Variants in DYRK4 observed in about 807,000 individuals in gnomAD.
DYRK4 encodes dual specificity tyrosine-phosphorylation-regulated kinase 4.
DYRK4 carries 64 observed loss-of-function variants against 68.3 expected under a neutral mutation model. That is an observed-to-expected ratio of 0.94 (90% confidence interval 0.77 to 1.15). The LOEUF is 1.15. Ranked by LOEUF, DYRK4 falls within the 50% of genes most tolerant of loss-of-function variation. The pLI, the probability that DYRK4 is intolerant of heterozygous loss-of-function variation, is 0.00. For missense variants in DYRK4, 740 were observed against 764.7 expected (o/e 0.97, Z 0.38); for synonymous variants, 274 against 289.9 (o/e 0.95, Z 0.56).
At position 4,569,234 on chromosome 12, in the gene DYRK4, A is replaced by G. The variant is rs545086567; in HGVS notation, c.132+1186A>G. Among the ~76,000 whole-genome samples the G allele has an allele frequency of 5.9e-5, 9 of 152,340 alleles. No homozygotes were observed. The South Asian group carries it at 1.9e-3, about 32-fold the overall frequency. ...CGTTTATTTTGCAATTTATAGGTGC[A>G]ATTTTTAATACCTAAAACAAACTTA... On this transcript the variant is annotated intron_variant, in intron 2 of 14. Transcript: ENST00000543431.
chr12:4,591,533 G>A lies in DYRK4; in HGVS notation c.463+235G>A. 3.9e-6 allele frequency: 2 copies of A among 515,056 alleles called. No individual in the cohort carries two copies. The highest frequency in any genetic ancestry group is 3.3e-6 in the Non-Finnish European group (1 of 299,502). The allele number at this position is 515,056 out of a possible 1,614,324, so 31.9% of individuals were successfully genotyped here. A position where few individuals can be genotyped will look rare whatever the true frequency, so the allele number is the denominator to read the frequency against. ...GAGTGGCTCTGGGCAAGGGCGGGAT[G>A]TACCAATGCAGACAGAAGGAAGTGT... is the stretch of plus-strand genomic sequence containing the variant. On this transcript the variant is annotated intron_variant, in intron 5 of 14. Transcript: ENST00000543431. The surrounding 1 kb of genome is among the most constrained non-coding windows in gnomAD (Gnocchi z 4.1).
At chr12:4,604,853 G>T in intron 10 of DYRK4, 61 bp from the exon 11 acceptor site, 2 of 1,493,550 alleles carry the variant, frequency 1.3e-6, no homozygotes, top group Non-Finnish European at 9.0e-7. Context: ...TGTCCTGGGG[G>T]AGAGCGTTCT....
intron 12 of DYRK4, 133 bp from the exon 13 acceptor site, chr12:4,610,022 A>T: frequency 1.8e-6 from 1 of 554,552 alleles, no homozygotes; most frequent in Non-Finnish European, 3.0e-6. Flanking sequence ...GTGTGTGTTT[A>T]TTGGGGTGTG....
chr12:4,565,830 T>C (rs1472129384), intron 1 of DYRK4, among the ~76,000 whole-genome samples: 2 of 151,908 alleles, frequency 1.3e-5, no homozygotes, highest in Non-Finnish European at 2.9e-5. Flanking sequence ...AGTTTCACCA[T>C]GTTGGCCAGG....
intron 2 of DYRK4, chr12:4,573,159 T>C: frequency 6.7e-6 from 3 of 445,922 alleles, no homozygotes; most frequent in Non-Finnish European, 1.2e-5. Context: ...GAAGAACTTG[T>C]AATGATCATT....
At chr12:4,574,934 T>C (rs4766253) in intron 2 of DYRK4, among the ~76,000 whole-genome samples, 69,509 of 152,026 alleles carry the variant, frequency 0.46, 16,187 homozygotes, top group Middle Eastern at 0.55. Flanking sequence ...GCCAGACTGG[T>C]CTCTCAAACT....
chr12:4,596,326 C>T (rs762709583), intron 7 of DYRK4, 41 bp downstream of exon 7: 60 of 1,611,640 alleles, frequency 3.7e-5, no homozygotes, highest in Non-Finnish European at 4.9e-5. Context: ...GGAGGGACTG[C>T]GTGACTGTGG....
intron 10 of DYRK4, chr12:4,602,811 G>A (rs1945096106): frequency 7.1e-7 from 1 of 1,406,526 alleles, no homozygotes; most frequent in Non-Finnish European, 1.0e-6. Flanking sequence ...CCATTAATAA[G>A]TGACAGGAGC....
At chr12:4,574,299 C>T (rs1944764171) in intron 2 of DYRK4, among the ~76,000 whole-genome samples, 1 of 150,926 alleles carries the variant, frequency 6.6e-6, no homozygotes, top group Non-Finnish European at 1.5e-5. Context: ...TCGTCCTGTT[C>T]ATTGTCCCGT....
At chr12:4,610,003 A>AGTGTGT (rs3217058) in intron 12 of DYRK4, 152 bp from the exon 13 acceptor site, 6 of 424,016 alleles carry the variant, frequency 1.4e-5, no homozygotes, top group Non-Finnish European at 2.1e-5. Flanking sequence ...TTTCAAACTG[A>AGTGTGT]GTGTGTGTGT....
intron 1 of DYRK4, among the ~76,000 whole-genome samples, chr12:4,562,853 C>CTG (rs10689238): frequency 0.33 from 49,368 of 149,638 alleles, 8,460 homozygotes; most frequent in African/African-American, 0.46. Context: ...AGCTGCCACT[C>CTG]AGGAAATTCC....
At chr12:4,565,546 T>C (rs763614610) in intron 1 of DYRK4, among the ~76,000 whole-genome samples, 17 of 152,150 alleles carry the variant, frequency 1.1e-4, no homozygotes, top group Non-Finnish European at 1.9e-4. Context: ...TTTCCTTCAG[T>C]GTTTGCTCCT....
At chr12:4,572,003 G>A (rs796364052) in intron 2 of DYRK4, among the ~76,000 whole-genome samples, 1 of 152,306 alleles carries the variant, frequency 6.6e-6, no homozygotes, top group African/African-American at 2.4e-5. Flanking sequence ...CTACAAGTAT[G>A]TGCTGTCTAC....
At chr12:4,569,805 T>G (rs572513911) in intron 2 of DYRK4, among the ~76,000 whole-genome samples, 1 of 152,116 alleles carries the variant, frequency 6.6e-6, no homozygotes, top group Non-Finnish European at 1.5e-5. Flanking sequence ...CTCTGTTGCA[T>G]GAGGATAGCT....
Position 4,590,296 on chromosome 12 carries a change from GC to G in DYRK4, c.214-33del, listed in dbSNP as rs994319899. Reference sequence around the variant, plus strand: ...CCCTGGAGACGTTTTCTTGCCTAAGGCTTTTGTAACACATGCAATTTCTCCT... The same window carrying G: ...CCCTGGAGACGTTTTCTTGCCTAAGGTTTTGTAACACATGCAATTTCTCCT... On this transcript the variant is annotated intron_variant, in intron 3 of 14. Transcript: ENST00000543431. 5 of 1,519,670 alleles carry G rather than the reference GC, an allele frequency of 3.3e-6. No homozygotes were observed. The African/African-American group carries it at 6.9e-5, about 21-fold the overall frequency. The allele number at this position is 1,519,670 out of a possible 1,614,324, so 94.1% of individuals were successfully genotyped here.
At chr12:4,574,126 G>A (rs1944760358) in intron 2 of DYRK4, among the ~76,000 whole-genome samples, 1 of 151,724 alleles carries the variant, frequency 6.6e-6, no homozygotes, top group Non-Finnish European at 1.5e-5. Flanking sequence ...TCGGGAGGCT[G>A]AGGCAGGAGA....
chr12:4,580,588 T>A (rs1008538570), intron 2 of DYRK4, among the ~76,000 whole-genome samples: 1 of 152,188 alleles, frequency 6.6e-6, no homozygotes, highest in Non-Finnish European at 1.5e-5. Context: ...TGAGCCTAAT[T>A]GTCTAACTAG....
chr12:4,563,313 C>G, intron 1 of DYRK4: 1 of 372,800 alleles, frequency 2.7e-6, no homozygotes, highest in Non-Finnish European at 5.3e-6. Flanking sequence ...AAGGGACTCT[C>G]TAGCAATATG....
intron 6 of DYRK4, among the ~76,000 whole-genome samples, chr12:4,593,916 T>C (rs1944985671): frequency 6.6e-6 from 1 of 152,242 alleles, no homozygotes; most frequent in South Asian, 2.1e-4. Context: ...AGGGCTGTGT[T>C]TGTCTAGCAT....
Sources: allele counts gnomAD v4.1 joint callset (sites outside exome capture counted in the v4.1 genomes callset), GRCh38; gene constraint gnomAD v4.1.1; non-coding constraint Gnocchi (gnomAD v3.1); transcripts MANE v1.5; gene names NCBI Gene and HGNC (gene_info 2026-07-23, HGNC 2026-07-21).